FRMPD4: variants seen among roughly 807,000 people sequenced by gnomAD.
FRMPD4 encodes FERM and PDZ domain-containing protein 4.
Under a neutral mutation model 94.1 loss-of-function variants are expected in FRMPD4, and 22 were observed. The ratio of observed to expected loss-of-function variants is 0.23; its 90% CI spans 0.17 to 0.33. The LOEUF (loss-of-function observed/expected upper bound fraction) is 0.33, where lower values mean the gene tolerates loss of function less well. FRMPD4 is among the 10% of genes least tolerant of loss of function. FRMPD4 has a pLI of 1.00. For synonymous variants in FRMPD4, 631 were observed against 548.6 expected, an observed-to-expected ratio of 1.15 and a Z score of -2.10; for missense variants, 1,111 against 1,339.9, an observed-to-expected ratio of 0.83 and a Z score of 2.67.
intron 1 of FRMPD4, among the ~76,000 whole-genome samples, chrX:12,252,079 T>C (rs1390401224): frequency 8.9e-6 from 1 of 112,371 alleles, no homozygotes; most frequent in East Asian, 2.8e-4. Flanking sequence ...GTTTAGATAA[T>C]TCTCAGTAGC....
At chrX:12,189,085 A>G (rs2056459490) in intron 1 of FRMPD4, among the ~76,000 whole-genome samples, 1 of 111,356 alleles carries the variant, frequency 9.0e-6, no homozygotes, top group Non-Finnish European at 1.9e-5. Flanking sequence ...AATTACTAGT[A>G]TCAGAAATTA....
At chrX:11,982,080 C>G (rs2054400601) in intron 3 of FRMPD4, among the ~76,000 whole-genome samples, 1 of 111,797 alleles carries the variant, frequency 8.9e-6, no homozygotes, top group Non-Finnish European at 1.9e-5. Context: ...TTCCTTTTGC[C>G]AAATATCTAT....
chrX:12,678,028 A>G (rs2059918098), intron 5 of FRMPD4, among the ~76,000 whole-genome samples: 1 of 112,492 alleles, frequency 8.9e-6, no homozygotes, highest in Non-Finnish European at 1.9e-5. Flanking sequence ...ACCAGTGTAA[A>G]CATTTTGACC....
chrX:12,687,959 C>T (rs923276211), intron 7 of FRMPD4, among the ~76,000 whole-genome samples: 6 of 111,814 alleles, frequency 5.4e-5, no homozygotes, highest in African/African-American at 9.8e-5. Context: ...CAATTGTTAG[C>T]GCAGACTATC....
intron 1 of FRMPD4, among the ~76,000 whole-genome samples, chrX:12,139,349 C>T (rs1159742827): frequency 1.8e-5 from 2 of 111,157 alleles, no homozygotes; most frequent in Non-Finnish European, 3.8e-5. Context: ...ATTGCTACTG[C>T]TAGGGAAACC....
At chrX:12,370,313 TAAATA>T (rs750903953) in intron 1 of FRMPD4, among the ~76,000 whole-genome samples, 9 of 111,714 alleles carry the variant, frequency 8.1e-5, no homozygotes, top group African/African-American at 1.3e-4. Context: ...TCCACAAAAA[TAAATA>T]AACAAGAAAC....
intron 4 of FRMPD4, among the ~76,000 whole-genome samples, chrX:12,651,039 C>T (rs779330686): frequency 1.2e-4 from 14 of 112,800 alleles, no homozygotes; most frequent in Non-Finnish European, 2.1e-4. Context: ...GGAAAGTAAT[C>T]TCTGTGTGTG....
intron 4 of FRMPD4, among the ~76,000 whole-genome samples, chrX:12,640,097 G>A (rs1195226423): frequency 3.6e-5 from 4 of 109,794 alleles, no homozygotes; most frequent in Admixed American, 1.9e-4. Flanking sequence ...TCAGGAGTTC[G>A]AGACCAGCCT....
At chrX:12,339,205 A>G (rs5978520) in intron 1 of FRMPD4, among the ~76,000 whole-genome samples, 10,669 of 111,304 alleles carry the variant, frequency 0.096, 1,290 homozygotes, top group African/African-American at 0.33. Flanking sequence ...AGACAAATTT[A>G]ATTTATTGAA....
chrX:12,030,245 A>C (rs1457333036), intron 3 of FRMPD4, among the ~76,000 whole-genome samples: 6 of 112,280 alleles, frequency 5.3e-5, no homozygotes, highest in Admixed American at 2.8e-4. Context: ...TAGCATCTAC[A>C]TTGCAACATC....
intron 1 of FRMPD4, among the ~76,000 whole-genome samples, chrX:12,176,558 T>G (rs2056297609): frequency 8.9e-6 from 1 of 112,549 alleles, no homozygotes; most frequent in Non-Finnish European, 1.9e-5. Flanking sequence ...AGTAATTAAG[T>G]CAAATTTTTA....
intron 2 of FRMPD4, among the ~76,000 whole-genome samples, chrX:12,588,281 C>T (rs768318192): frequency 1.5e-4 from 17 of 112,545 alleles, no homozygotes; most frequent in Non-Finnish European, 3.0e-4. Context: ...TGAGCCACCA[C>T]GCTCAGCCTG....
chrX:12,401,527 T>C (rs2056608948), intron 1 of FRMPD4, among the ~76,000 whole-genome samples: 1 of 111,855 alleles, frequency 8.9e-6, no homozygotes, highest in Admixed American at 9.5e-5. Flanking sequence ...TCCTTGTTAT[T>C]CTTATCTCCC....
chrX:12,104,738 A>G (rs1189387786), intron 3 of FRMPD4, among the ~76,000 whole-genome samples: 1 of 112,232 alleles, frequency 8.9e-6, no homozygotes, highest in African/African-American at 3.2e-5. Context: ...TTACATGTGT[A>G]ATTTCACTGA....
At chrX:11,882,739 C>T (rs980868363) in intron 3 of FRMPD4, among the ~76,000 whole-genome samples, 4 of 111,295 alleles carry the variant, frequency 3.6e-5, no homozygotes, top group African/African-American at 6.5e-5. Context: ...ATCTGAAATC[C>T]GAAACACTTC....
chrX:12,306,114 A>T (rs180840751), intron 1 of FRMPD4, among the ~76,000 whole-genome samples: 1 of 108,905 alleles, frequency 9.2e-6, no homozygotes, highest in East Asian at 2.9e-4. Flanking sequence ...CCCCCAAAAG[A>T]CTGACCCAGT....
In FRMPD4 at chrX:12,138,975, G is replaced by T; in HGVS notation, c.4G>T (p.Asp2Tyr). The change falls in exon 1 of 17, where the codon GAT becomes TAT. Residue 2 changes from aspartate to tyrosine, a missense_variant. By Grantham distance (160) the Asp-to-Tyr change is radical. This residue lies in a region of FRMPD4 where 140 missense variants were observed against 165.9 expected (regional missense o/e 0.84). Coordinates refer to ENST00000675598, the MANE Select transcript of FRMPD4 (RefSeq NM_001368397.1). M[D>Y]VFSFVKIAKL... is the part of the protein sequence containing the mutation. ...TCGGGGGTCCCCAGCTGCCTGCATG[G>T]ATGTCTTCAGCTTTGTGAAGATTGC... 2 of 1,165,198 alleles carry T rather than the reference G, an allele frequency of 1.7e-6. No homozygotes were observed. Among genetic ancestry groups the T allele is most frequent in the Non-Finnish European group, 2.3e-6 (2 of 871,596 alleles).
At chrX:11,835,405 T>C (rs189525580) in intron 1 of FRMPD4, among the ~76,000 whole-genome samples, 1 of 112,288 alleles carries the variant, frequency 8.9e-6, no homozygotes, top group East Asian at 2.8e-4. Context: ...TTCTTTCTTA[T>C]CAAAGCATCC....
chrX:12,053,171 C>T (rs964954452), intron 3 of FRMPD4, among the ~76,000 whole-genome samples: 1 of 108,498 alleles, frequency 9.2e-6, no homozygotes, highest in Non-Finnish European at 1.9e-5. Flanking sequence ...AACCCCTTCT[C>T]TAATAAAAAT....
Sources: gnomAD v4.1 joint callset for allele counts (sites outside exome capture counted in the v4.1 genomes callset) on GRCh38, gnomAD v4.1.1 for gene constraint, gnomAD v4.1.1 regional missense constraint, MANE v1.5 for transcripts, NCBI Gene and HGNC (gene_info 2026-07-23, HGNC 2026-07-21) for gene names.